The following ARHGAP24 variants were observed in gnomAD, a reference collection of about 807,000 sequenced individuals.
The protein encoded by ARHGAP24 is Rho GTPase activating protein 24, also known as rho GTPase-activating protein 24.
In ARHGAP24, 50 loss-of-function variants were observed where a neutral mutation model predicts 76.4. The ratio of observed to expected loss-of-function variants is 0.65; its 90% CI spans 0.52 to 0.83. ARHGAP24 has a LOEUF of 0.83. Among genes scored for constraint, ARHGAP24 ranks in the 40% least tolerant of loss-of-function variants. ARHGAP24 has a pLI of 0.00. For synonymous variants in ARHGAP24, 345 were observed against 323.3 expected (o/e 1.07, Z -0.72); for missense variants, 930 against 914.2 (o/e 1.02, Z -0.22).
At chr4:85,666,024 G>A (rs1228455581) in intron 2 of ARHGAP24, among the ~76,000 whole-genome samples, 1 of 152,140 alleles carries the variant, frequency 6.6e-6, no homozygotes, top group African/African-American at 2.4e-5. Context: ...GAGTATCTTT[G>A]TGGCCTTCTC....
chr4:85,619,840 A>T (rs1040971610), intron 2 of ARHGAP24, among the ~76,000 whole-genome samples: 1 of 152,018 alleles, frequency 6.6e-6, no homozygotes. Flanking sequence ...TAGTTGTAAT[A>T]TCTAATTTGT....
intron 2 of ARHGAP24, among the ~76,000 whole-genome samples, chr4:85,657,272 A>C (rs1722210320): frequency 6.6e-6 from 1 of 152,230 alleles, no homozygotes; most frequent in African/African-American, 2.4e-5. Context: ...GTGTTTTAAT[A>C]ATGTGCTATC....
intron 2 of ARHGAP24, among the ~76,000 whole-genome samples, chr4:85,583,078 T>A (rs1727684048): frequency 6.6e-6 from 1 of 152,172 alleles, no homozygotes; most frequent in Non-Finnish European, 1.5e-5. Context: ...TCAAAAAATT[T>A]GAAAATTTTT....
chr4:85,984,505 T>C (rs1739866317), intron 8 of ARHGAP24, among the ~76,000 whole-genome samples: 1 of 152,184 alleles, frequency 6.6e-6, no homozygotes, highest in Admixed American at 6.5e-5. Context: ...AGGGCTGCCA[T>C]GACCTTGTTA....
chr4:85,506,329 C>T (rs542555792), intron 1 of ARHGAP24, among the ~76,000 whole-genome samples: 2 of 152,334 alleles, frequency 1.3e-5, no homozygotes, highest in East Asian at 3.9e-4. Flanking sequence ...GCCTTTTGTT[C>T]AGCTATGCCC....
chr4:85,885,346 A>G lies in ARHGAP24; in HGVS notation c.269-38302A>G, dbSNP rs189127384. Among the ~76,000 whole-genome samples, 230 of 152,216 alleles carry G rather than the reference A, an allele frequency of 1.5e-3. 2 individuals carry two copies. The highest frequency in any genetic ancestry group is 5.3e-3 in the African/African-American group (222 of 41,548). ...TGGTGTCTATTATAGGTTTTAAAAT[A>G]TATGTTTTTTAATTGTGCTTTTCAA... On this transcript the variant is annotated intron_variant, in intron 3 of 9. Coordinates refer to ENST00000395184, the MANE Select transcript of ARHGAP24 (RefSeq NM_001025616.3).
At chr4:85,870,515 A>G (rs940432144) in intron 3 of ARHGAP24, among the ~76,000 whole-genome samples, 2 of 152,184 alleles carry the variant, frequency 1.3e-5, no homozygotes, top group African/African-American at 2.4e-5. Context: ...TTTATGGTAC[A>G]TGTTGTCTCA....
At chr4:85,667,686 C>G (rs1722684728) in intron 2 of ARHGAP24, among the ~76,000 whole-genome samples, 1 of 152,160 alleles carries the variant, frequency 6.6e-6, no homozygotes, top group Non-Finnish European at 1.5e-5. Context: ...CCCTAATGTT[C>G]ATAAGTTATT....
chr4:85,762,978 G>A (rs1726787977), intron 3 of ARHGAP24, among the ~76,000 whole-genome samples: 1 of 152,112 alleles, frequency 6.6e-6, no homozygotes, highest in South Asian at 2.1e-4. Flanking sequence ...AATAGCTTAA[G>A]TCTTCTTTTG....
At chr4:85,979,482 T>C (rs1375279323) in intron 8 of ARHGAP24, among the ~76,000 whole-genome samples, 1 of 152,014 alleles carries the variant, frequency 6.6e-6, no homozygotes, top group Non-Finnish European at 1.5e-5. Flanking sequence ...AAACACGAAC[T>C]CCCCTTTCCC....
At chr4:85,920,158 T>C (rs1735646209) in intron 3 of ARHGAP24, among the ~76,000 whole-genome samples, 1 of 152,232 alleles carries the variant, frequency 6.6e-6, no homozygotes, top group African/African-American at 2.4e-5. Context: ...TCGATTAATG[T>C]AATATGTACT....
At chr4:85,620,087 A>G (rs186746990) in intron 2 of ARHGAP24, among the ~76,000 whole-genome samples, 5 of 151,992 alleles carry the variant, frequency 3.3e-5, no homozygotes, top group Admixed American at 2.6e-4. Context: ...GAATTTTTGC[A>G]TCTATGTTCA....
chr4:85,793,720 A>G (rs1285658173), intron 3 of ARHGAP24, among the ~76,000 whole-genome samples: 1 of 152,214 alleles, frequency 6.6e-6, no homozygotes, highest in East Asian at 1.9e-4. Context: ...TGTACATAGA[A>G]AAGAAAATAT....
At chr4:85,574,118 T>G (rs1287190916) in intron 2 of ARHGAP24, among the ~76,000 whole-genome samples, 4 of 152,236 alleles carry the variant, frequency 2.6e-5, no homozygotes. Context: ...TAAAAGGCAC[T>G]TCTAAAATGA....
At chr4:85,975,302 G>T (rs1192459588) in intron 7 of ARHGAP24, among the ~76,000 whole-genome samples, 1 of 152,206 alleles carries the variant, frequency 6.6e-6, no homozygotes, top group African/African-American at 2.4e-5. Context: ...AGCCAAGATT[G>T]TGCCATTGAC....
chr4:85,734,115 C>A (rs1236474688), intron 3 of ARHGAP24, among the ~76,000 whole-genome samples: 1 of 151,996 alleles, frequency 6.6e-6, no homozygotes. Context: ...ATTCCTGCCA[C>A]AAATATTAAA....
chr4:85,653,318 A>C (rs1722014295), intron 2 of ARHGAP24, among the ~76,000 whole-genome samples: 1 of 152,182 alleles, frequency 6.6e-6, no homozygotes, highest in African/African-American at 2.4e-5. Flanking sequence ...AATTTCTGGT[A>C]ATTTGGTAAA....
intron 3 of ARHGAP24, among the ~76,000 whole-genome samples, chr4:85,801,111 T>C (rs1030942347): frequency 6.6e-6 from 1 of 152,190 alleles, no homozygotes; most frequent in Non-Finnish European, 1.5e-5. Context: ...AAACTATCTA[T>C]AGTTTTATAT....
chr4:85,666,765 G>C (rs1412369408), intron 2 of ARHGAP24, among the ~76,000 whole-genome samples: 2 of 152,192 alleles, frequency 1.3e-5, no homozygotes, highest in African/African-American at 4.8e-5. Context: ...GTCCACTCCA[G>C]ACCCTGTTTG....
Sources: allele counts gnomAD v4.1 joint callset (sites outside exome capture counted in the v4.1 genomes callset), GRCh38; gene constraint gnomAD v4.1.1; transcripts MANE v1.5; gene names NCBI Gene and HGNC (gene_info 2026-07-23, HGNC 2026-07-21).